TSPAN14: variants seen among roughly 807,000 people sequenced by gnomAD.
TSPAN14 encodes tetraspanin-14.
TSPAN14 carries 16 observed loss-of-function variants against 36.6 expected under a neutral mutation model. The observed-to-expected ratio is 0.44, with a 90% CI of 0.30 to 0.66. TSPAN14 has a LOEUF of 0.66. Ranked by LOEUF, TSPAN14 falls within the 30% of genes least tolerant of loss-of-function variation. The pLI, the probability that TSPAN14 is intolerant of heterozygous loss-of-function variation, is 0.12. For missense variants in TSPAN14, 231 were observed against 355.1 expected, an observed-to-expected ratio of 0.65 and a Z score of 2.81; for synonymous variants, 139 against 143.8, an observed-to-expected ratio of 0.97 and a Z score of 0.24.
rs1025848361 is a variant in TSPAN14 at position 80,509,416 on chromosome 10, A to G, written c.395A>G (p.Lys132Arg). Residue 132 changes from lysine to arginine, a missense_variant, in exon 5 of 9, where the codon AAG (lysine) becomes AGG (arginine). Coordinates refer to ENST00000429989, the Ensembl canonical transcript of TSPAN14. This position sits in a 1 kb window ranked among gnomAD's most constrained non-coding sequence, Gnocchi z 4.7. ...CGGGAGTTCTTCGAGAGCAACATCA[A>G]GTCCTACCGGGACGATATCGATCTG... is the stretch of plus-strand genomic sequence containing the variant. 6.2e-7 allele frequency: 1 copy of G among 1,614,160 alleles called. No homozygotes were observed. The highest frequency in any genetic ancestry group is 1.1e-5 in the South Asian group (1 of 91,078).
intron 1 of TSPAN14, among the ~76,000 whole-genome samples, chr10:80,486,747 C>G (rs569264699): frequency 6.8e-4 from 104 of 152,128 alleles, no homozygotes; most frequent in Non-Finnish European, 1.2e-3. Flanking sequence ...GAGTTTCTAC[C>G]GCTTAGAACA....
chr10:80,518,017 G>A, exon 9 of TSPAN14: 1 of 1,547,604 alleles, frequency 6.5e-7, no homozygotes, highest in South Asian at 1.2e-5. Flanking sequence ...ACGCTGGGAG[G>A]CCAGAGCCTT....
chr10:80,481,626 G>A (rs1239128931), intron 1 of TSPAN14, among the ~76,000 whole-genome samples: 3 of 152,154 alleles, frequency 2.0e-5, no homozygotes, highest in African/African-American at 7.2e-5. Flanking sequence ...CTCTTCCAAG[G>A]TAGAAAGCAG....
At chr10:80,514,162 A>T in intron 7 of TSPAN14, 99 bp downstream of exon 7, 2 of 1,170,906 alleles carry the variant, frequency 1.7e-6, no homozygotes, top group South Asian at 1.3e-5. Flanking sequence ...AAGTGGGAAA[A>T]CTCAGGGCAG....
intron 1 of TSPAN14, among the ~76,000 whole-genome samples, chr10:80,479,349 A>C (rs1420979042): frequency 6.6e-6 from 1 of 151,576 alleles, no homozygotes; most frequent in African/African-American, 2.4e-5. Flanking sequence ...TTGGTGTTTT[A>C]GACATGAAGT....
intron 1 of TSPAN14, among the ~76,000 whole-genome samples, chr10:80,482,235 A>G (rs192872645): frequency 2.5e-3 from 381 of 152,342 alleles, no homozygotes; most frequent in African/African-American, 8.6e-3. Flanking sequence ...AATGAATAGA[A>G]AAAAGCAAAT....
At chr10:80,492,533 C>G (rs569852788) in intron 2 of TSPAN14, among the ~76,000 whole-genome samples, 1 of 152,258 alleles carries the variant, frequency 6.6e-6, no homozygotes, top group South Asian at 2.1e-4. Flanking sequence ...ATTATTTTCA[C>G]AGGCCTGGCG....
At chr10:80,507,733 C>A (rs1840373221) in intron 4 of TSPAN14, among the ~76,000 whole-genome samples, 1 of 152,210 alleles carries the variant, frequency 6.6e-6, no homozygotes, top group South Asian at 2.1e-4. Flanking sequence ...TTGCAAGTAA[C>A]CTTAAATCAT....
Position 80,509,749 on chromosome 10 carries a change from G to C in TSPAN14, c.450+278G>C. ...CCCACGTGCCCGGCCCTCCTCTTTC[G>C]GCCCCAGATCTTTCCAATCCTGCCC... On this transcript the variant is annotated intron_variant, in intron 5 of 8. Coordinates refer to ENST00000429989, the Ensembl canonical transcript of TSPAN14. This position sits in a 1 kb window ranked among gnomAD's most constrained non-coding sequence, Gnocchi z 4.7. 1 of 432,574 alleles carries C rather than the reference G, an allele frequency of 2.3e-6. No homozygotes were observed. Among genetic ancestry groups the C allele is most frequent in the Non-Finnish European group, 4.2e-6 (1 of 237,422 alleles). The allele number at this position is 432,574 out of a possible 1,614,324, so 26.8% of individuals were successfully genotyped here.
intron 2 of TSPAN14, among the ~76,000 whole-genome samples, chr10:80,499,925 C>G (rs947745275): frequency 6.6e-6 from 1 of 151,234 alleles, no homozygotes; most frequent in East Asian, 2.0e-4. Flanking sequence ...CAAAGAAGGT[C>G]ACTTGAGGCT....
At chr10:80,485,712 C>T (rs1847549060) in intron 1 of TSPAN14, 1 of 985,280 alleles carries the variant, frequency 1.0e-6, no homozygotes, top group African/African-American at 1.7e-5. Flanking sequence ...AGGTGCCTTC[C>T]CTCCCTGTCC....
At chr10:80,502,051 A>C (rs140159557) in intron 2 of TSPAN14, among the ~76,000 whole-genome samples, 16 of 152,304 alleles carry the variant, frequency 1.1e-4, no homozygotes, top group African/African-American at 3.8e-4. Flanking sequence ...GAGGATGGGG[A>C]GCAGTTCCAC....
Position 80,509,621 on chromosome 10 carries a change from C to A in TSPAN14, c.450+150C>A. On this transcript the variant is annotated intron_variant, in intron 5 of 8. Transcript: ENST00000429989. This position sits in a 1 kb window ranked among gnomAD's most constrained non-coding sequence, Gnocchi z 4.7. Reference sequence around the variant, plus strand: ...GAGGCCGTGGAACAAGCCACTCCACCTCTGGTCTGTTCCACTTTGCCGGCT... The same window carrying A: ...GAGGCCGTGGAACAAGCCACTCCACATCTGGTCTGTTCCACTTTGCCGGCT... 1.3e-6 allele frequency: 1 copy of A among 782,424 alleles called. No homozygotes were observed. The highest frequency in any genetic ancestry group is 2.0e-6 in the Non-Finnish European group (1 of 502,352). The allele number at this position is 782,424 out of a possible 1,614,324, so 48.5% of individuals were successfully genotyped here.
At chr10:80,510,685 T>G (rs1469202000) in intron 5 of TSPAN14, among the ~76,000 whole-genome samples, 1 of 152,016 alleles carries the variant, frequency 6.6e-6, no homozygotes. Flanking sequence ...CCATCCTGGC[T>G]AACATGGTGA....
At chr10:80,490,696 G>A (rs182061871) in intron 2 of TSPAN14, among the ~76,000 whole-genome samples, 1 of 152,074 alleles carries the variant, frequency 6.6e-6, no homozygotes, top group Non-Finnish European at 1.5e-5. Context: ...AAGTGAAGGG[G>A]ATGACTCTTG....
chr10:80,471,309 C>T (rs1349832338), intron 1 of TSPAN14, among the ~76,000 whole-genome samples: 1 of 152,084 alleles, frequency 6.6e-6, no homozygotes, highest in African/African-American at 2.4e-5. Context: ...CGAGCCTGTG[C>T]ACTGATGGAT....
intron 1 of TSPAN14, among the ~76,000 whole-genome samples, chr10:80,481,185 C>T (rs1393898977): frequency 1.3e-5 from 2 of 151,964 alleles, no homozygotes; most frequent in African/African-American, 2.4e-5. Context: ...TGAAGAAACT[C>T]GTGAAGGTGA....
At chr10:80,476,376 A>G (rs1456007426) in intron 1 of TSPAN14, among the ~76,000 whole-genome samples, 3 of 151,854 alleles carry the variant, frequency 2.0e-5, no homozygotes, top group African/African-American at 7.3e-5. Flanking sequence ...TCTCAAAAAC[A>G]AAAGTAAATG....
At chr10:80,458,431 C>T (rs1005087427) in intron 1 of TSPAN14, among the ~76,000 whole-genome samples, 1 of 152,192 alleles carries the variant, frequency 6.6e-6, no homozygotes, top group African/African-American at 2.4e-5. Flanking sequence ...GGTGATTTCC[C>T]TCGGGGCCAG....
Sources: gnomAD v4.1 joint callset for allele counts (sites outside exome capture counted in the v4.1 genomes callset) on GRCh38, gnomAD v4.1.1 for gene constraint, Gnocchi (gnomAD v3.1) non-coding constraint, MANE v1.5 for transcripts, NCBI Gene and HGNC (gene_info 2026-07-23, HGNC 2026-07-21) for gene names.